Variants in TRMT11 observed in about 807,000 individuals in gnomAD.
TRMT11 encodes the protein tRNA (guanine(10)-N(2))-methyltransferase TRMT11.
A neutral mutation model predicts 62.8 loss-of-function variants in TRMT11; 53 were observed. The ratio of observed to expected loss-of-function variants is 0.84; its 90% CI spans 0.68 to 1.06. The LOEUF (loss-of-function observed/expected upper bound fraction) is 1.06, where lower values mean the gene tolerates loss of function less well. Among genes scored for constraint, TRMT11 ranks in the 50% least tolerant of loss-of-function variants. The pLI, the probability that TRMT11 is intolerant of heterozygous loss-of-function variation, is 0.00. For missense variants in TRMT11, 556 were observed against 553.4 expected (o/e 1.00, Z -0.05); for synonymous variants, 188 against 190.3 (o/e 0.99, Z 0.10).
intron 21 of TRMT11, among the ~76,000 whole-genome samples, chr6:126,151,927 C>CTTTCTTTCTTTCTTTT (rs1562334956): frequency 6.5e-5 from 6 of 92,168 alleles, no homozygotes; most frequent in African/African-American, 1.1e-4. Flanking sequence ...TTCTTTCTTT[C>CTTTCTTTCTTTCTTTT]TTTCTTTCTT....
At chr6:126,048,886 A>T (rs1776134628) in intron 16 of TRMT11, among the ~76,000 whole-genome samples, 1 of 152,194 alleles carries the variant, frequency 6.6e-6, no homozygotes, top group Non-Finnish European at 1.5e-5. Context: ...CTCAGGTTAC[A>T]GGCTTGCTGT....
chr6:126,149,518 G>T (rs905983232), intron 21 of TRMT11, among the ~76,000 whole-genome samples: 3 of 152,136 alleles, frequency 2.0e-5, no homozygotes, highest in African/African-American at 7.2e-5. Flanking sequence ...GACAAGAAAA[G>T]TGAAACTCAG....
intron 21 of TRMT11, among the ~76,000 whole-genome samples, chr6:126,139,633 T>C (rs1308822865): frequency 6.6e-6 from 1 of 152,162 alleles, no homozygotes; most frequent in African/African-American, 2.4e-5. Context: ...TCTCCCAAAG[T>C]GCTGGGATTA....
At chr6:126,257,355 T>C in the TRMT11 span, among the ~76,000 whole-genome samples, 2 of 152,170 alleles carry the variant, frequency 1.3e-5, no homozygotes, top group African/African-American at 4.8e-5. Flanking sequence ...AATCTGACTT[T>C]GTCATTGTAA....
chr6:126,125,408 G>A (rs1229835679), intron 21 of TRMT11, among the ~76,000 whole-genome samples: 1 of 151,884 alleles, frequency 6.6e-6, no homozygotes, highest in East Asian at 1.9e-4. Context: ...TCTGGTAGGT[G>A]TGATTTACTT....
At chr6:126,150,219 C>T (rs1583889949) in intron 21 of TRMT11, among the ~76,000 whole-genome samples, 1 of 152,060 alleles carries the variant, frequency 6.6e-6, no homozygotes, top group African/African-American at 2.4e-5. Context: ...ACACTTAGCC[C>T]CCTCACTATG....
intron 17 of TRMT11, among the ~76,000 whole-genome samples, chr6:126,079,761 G>A (rs896058466): frequency 2.0e-5 from 3 of 152,058 alleles, no homozygotes; most frequent in Non-Finnish European, 2.9e-5. Flanking sequence ...TGAACTATGC[G>A]TTGGTGAAGG....
At chr6:126,016,289 T>G (rs1049765070) in intron 11 of TRMT11, among the ~76,000 whole-genome samples, 3 of 152,204 alleles carry the variant, frequency 2.0e-5, no homozygotes, top group Non-Finnish European at 2.9e-5. Flanking sequence ...ATATTATTCA[T>G]TGGGTTGTAA....
intron 17 of TRMT11, among the ~76,000 whole-genome samples, chr6:126,075,946 A>T (rs1583865700): frequency 6.6e-6 from 1 of 152,194 alleles, no homozygotes; most frequent in African/African-American, 2.4e-5. Context: ...GCCAGATCTA[A>T]TCACAGGGCC....
chr6:126,211,112 C>A, the TRMT11 span, among the ~76,000 whole-genome samples: 5 of 151,590 alleles, frequency 3.3e-5, no homozygotes, highest in Non-Finnish European at 7.4e-5. Context: ...GGGCTCAGAT[C>A]ATGCAGCAAA....
At chr6:126,118,936 G>T (rs2128194367) in intron 21 of TRMT11, among the ~76,000 whole-genome samples, 1 of 152,080 alleles carries the variant, frequency 6.6e-6, no homozygotes, top group Middle Eastern at 3.4e-3. Flanking sequence ...AATTATTTAG[G>T]CTGCCAAATC....
chr6:125,994,751 A>G (rs1791203254), intron 2 of TRMT11, among the ~76,000 whole-genome samples: 1 of 152,240 alleles, frequency 6.6e-6, no homozygotes, highest in African/African-American at 2.4e-5. Context: ...GTACATATAC[A>G]CCATGGAAGC....
chr6:126,059,058 T>TTC (rs897453569), intron 17 of TRMT11, among the ~76,000 whole-genome samples: 1 of 150,336 alleles, frequency 6.7e-6, no homozygotes, highest in African/African-American at 2.5e-5. Context: ...TTTTTTTTTT[T>TTC]TTTTTTGTAG....
chr6:126,020,441 AACTCCTGCTATTG>A (rs1232021621), intron 11 of TRMT11, among the ~76,000 whole-genome samples: 2 of 152,132 alleles, frequency 1.3e-5, no homozygotes, highest in Non-Finnish European at 2.9e-5. Flanking sequence ...CCAGATTCTG[AACTCCTGCTATTG>A]ACTCCTGCTT....
At chr6:126,102,989 TTTCTAC>T (rs1439183385) in intron 17 of TRMT11, among the ~76,000 whole-genome samples, 2 of 152,204 alleles carry the variant, frequency 1.3e-5, no homozygotes, top group Admixed American at 1.3e-4. Flanking sequence ...GGCATTTTCA[TTTCTAC>T]AGAGATCAGA....
the TRMT11 span, among the ~76,000 whole-genome samples, chr6:126,224,934 A>G: frequency 6.6e-6 from 1 of 152,122 alleles, no homozygotes; most frequent in African/African-American, 2.4e-5. Flanking sequence ...AAAAGGATCT[A>G]TGGAGGTAGC....
At chr6:126,247,492 A>T in the TRMT11 span, among the ~76,000 whole-genome samples, 5 of 120,010 alleles carry the variant, frequency 4.2e-5, no homozygotes, top group African/African-American at 1.7e-4. Context: ...TATCTATCTA[A>T]AATACCTATC....
intron 1 of TRMT11, among the ~76,000 whole-genome samples, chr6:125,988,492 G>T (rs1437994855): frequency 6.6e-6 from 1 of 152,136 alleles, no homozygotes; most frequent in African/African-American, 2.4e-5. Context: ...ATGGTGGGAG[G>T]GGTTCTCTTT....
chr6:126,136,667 C>G (rs1032954973), intron 21 of TRMT11, among the ~76,000 whole-genome samples: 2 of 151,720 alleles, frequency 1.3e-5, no homozygotes, highest in Non-Finnish European at 3.0e-5. Context: ...AAAGATCTGG[C>G]ACAGCTAAGG....
Sources: allele counts gnomAD v4.1 joint callset (sites outside exome capture counted in the v4.1 genomes callset), GRCh38; gene constraint gnomAD v4.1.1; transcripts MANE v1.5; gene names NCBI Gene and HGNC (gene_info 2026-07-23, HGNC 2026-07-21).